FIGN: variants seen among roughly 807,000 people sequenced by gnomAD.
FIGN encodes fidgetin.
FIGN carries 11 observed loss-of-function variants against 51.3 expected under a neutral mutation model. The ratio of observed to expected loss-of-function variants is 0.21; its 90% CI spans 0.13 to 0.35. The LOEUF (loss-of-function observed/expected upper bound fraction) is 0.35. Ranked by LOEUF, FIGN falls within the 10% of genes least tolerant of loss-of-function variation. The pLI is 1.00. For synonymous variants in FIGN, 407 were observed against 363.2 expected (o/e 1.12, Z -1.37); for missense variants, 857 against 943.6 (o/e 0.91, Z 1.20).
chr2:163,717,657 G>A (rs1684690594), intron 2 of FIGN, among the ~76,000 whole-genome samples: 1 of 152,128 alleles, frequency 6.6e-6, no homozygotes, highest in African/African-American at 2.4e-5. Context: ...AGTGTTGCAA[G>A]TACAGGCATC....
Position 163,610,152 on chromosome 2 carries a change from T to G in FIGN, c.1680A>C (p.Leu560Phe). The change falls in exon 3 of 3, where the codon TTA becomes TTC. Residue 560 changes from leucine to phenylalanine, a missense_variant. Physicochemically the swap from Leu to Phe is conservative, Grantham distance 22. Coordinates refer to ENST00000333129, the MANE Select transcript of FIGN (RefSeq NM_018086.4). ...IAGSGLVAKWLGEAEKIIHAS... is the reference protein window; with the variant it reads ...IAGSGLVAKWFGEAEKIIHAS... ...CATGGATAATTTTCTCTGCTTCTCC[T>G]AACCACTTGGCGACTAGTCCAGAAC... 2 of 1,614,160 alleles carry G rather than the reference T, an allele frequency of 1.2e-6. No homozygotes were observed. Among genetic ancestry groups the G allele is most frequent in the Non-Finnish European group, 1.7e-6 (2 of 1,180,018 alleles).
intron 2 of FIGN, among the ~76,000 whole-genome samples, chr2:163,644,749 G>T (rs2105318399): frequency 6.6e-6 from 1 of 152,230 alleles, no homozygotes; most frequent in East Asian, 1.9e-4. Context: ...CTTTAAAAAG[G>T]AATGAAGTAC....
At chr2:163,637,464 A>G (rs1683243807) in intron 2 of FIGN, among the ~76,000 whole-genome samples, 1 of 152,218 alleles carries the variant, frequency 6.6e-6, no homozygotes, top group African/African-American at 2.4e-5. Flanking sequence ...GACTTCTGGC[A>G]TCTAAGATTT....
At position 163,653,833 on chromosome 2, in the gene FIGN, T is replaced by C. The variant is rs558147813; in HGVS notation, c.26-42027A>G. 3.9e-5 allele frequency among the ~76,000 whole-genome samples: 6 copies of C among 152,270 alleles called. No individual in the cohort carries two copies. The South Asian group carries it at 1.2e-3, about 32-fold the overall frequency. ...TTACAGGACTTTTTTTAAAAAACTT[T>C]TAATTTTAGGTACAGTTTTAGAGAC... On this transcript the variant is annotated intron_variant, in intron 2 of 2. Coordinates refer to ENST00000333129, the MANE Select transcript of FIGN (RefSeq NM_018086.4).
chr2:163,668,014 A>G (rs1412479198), intron 2 of FIGN, among the ~76,000 whole-genome samples: 1 of 106,874 alleles, frequency 9.4e-6, no homozygotes, highest in African/African-American at 4.1e-5. Context: ...CCTACCTCCA[A>G]CCCCCCCCCC....
intron 2 of FIGN, among the ~76,000 whole-genome samples, chr2:163,687,821 T>A (rs888316516): frequency 3.9e-5 from 6 of 152,158 alleles, no homozygotes; most frequent in Admixed American, 6.6e-5. Context: ...AACAGTAACA[T>A]GCAAAGTTAA....
At chr2:163,689,646 T>C (rs1427123413) in intron 2 of FIGN, among the ~76,000 whole-genome samples, 6 of 152,194 alleles carry the variant, frequency 3.9e-5, no homozygotes, top group African/African-American at 1.4e-4. Flanking sequence ...GACCAATATT[T>C]ATTGCTACAT....
Position 163,722,648 on chromosome 2 carries a change from T to A in FIGN, c.25+12255A>T, listed in dbSNP as rs73974385. 3.4e-3 allele frequency among the ~76,000 whole-genome samples: 521 copies of A among 152,280 alleles called. 3 individuals carry two copies. Among genetic ancestry groups the A allele is most frequent in the African/African-American group, 0.012 (503 of 41,570 alleles). Reference sequence around the variant, plus strand: ...TTATAAGATTTTAAAGATAGCATAATGTTTTTTATAAAAGAGTTTAAAGGC... The same window carrying A: ...TTATAAGATTTTAAAGATAGCATAAAGTTTTTTATAAAAGAGTTTAAAGGC... On this transcript the variant is annotated intron_variant, in intron 2 of 2. Coordinates refer to ENST00000333129, the MANE Select transcript of FIGN (RefSeq NM_018086.4).
At chr2:163,667,329 C>T (rs1683795226) in intron 2 of FIGN, among the ~76,000 whole-genome samples, 2 of 134,426 alleles carry the variant, frequency 1.5e-5, no homozygotes. Flanking sequence ...CTTTTCCATA[C>T]TATCCCCACA....
chr2:163,718,691 C>T (rs1684707697), intron 2 of FIGN, among the ~76,000 whole-genome samples: 1 of 152,168 alleles, frequency 6.6e-6, no homozygotes, highest in Admixed American at 6.6e-5. Context: ...ACTCAATATA[C>T]TGCCCATTTT....
At chr2:163,644,696 G>A (rs893180691) in intron 2 of FIGN, among the ~76,000 whole-genome samples, 1 of 151,998 alleles carries the variant, frequency 6.6e-6, no homozygotes, top group African/African-American at 2.4e-5. Context: ...CATCAACCTA[G>A]GAATGGATTA....
intron 2 of FIGN, among the ~76,000 whole-genome samples, chr2:163,660,371 A>G (rs535761617): frequency 5.3e-5 from 8 of 152,198 alleles, no homozygotes; most frequent in Admixed American, 3.9e-4. Flanking sequence ...ATCTGATCTA[A>G]TAGGTGGAGA....
intron 2 of FIGN, among the ~76,000 whole-genome samples, chr2:163,703,148 G>C (rs898256427): frequency 6.6e-6 from 1 of 151,522 alleles, no homozygotes; most frequent in African/African-American, 2.4e-5. Context: ...AAAGAAAAAA[G>C]AGTTTTCTAA....
chr2:163,715,474 G>T (rs1411766398), intron 2 of FIGN, among the ~76,000 whole-genome samples: 1 of 152,166 alleles, frequency 6.6e-6, no homozygotes, highest in Non-Finnish European at 1.5e-5. Flanking sequence ...CAATGGACAT[G>T]CTGCTGACTC....
At chr2:163,675,790 G>A (rs958791600) in intron 2 of FIGN, among the ~76,000 whole-genome samples, 1 of 142,256 alleles carries the variant, frequency 7.0e-6, no homozygotes, top group Non-Finnish European at 1.5e-5. Flanking sequence ...TTATGTGGGA[G>A]GACAGAAGAT....
In FIGN at chr2:163,611,875, CA is replaced by C. The variant is rs999184510; in HGVS notation, c.26-70del. 18 of 1,373,406 alleles carry C rather than the reference CA, an allele frequency of 1.3e-5. No homozygotes were observed. In the African/African-American group the frequency reaches 2.6e-4, roughly 20 times the overall value. 85.1% of individuals were successfully genotyped at this position (1,373,406 alleles called of 1,614,324 possible). A position where few individuals can be genotyped will look rare whatever the true frequency, so the allele number is the denominator to read the frequency against. On this transcript the variant is annotated intron_variant, in intron 2 of 2. Transcript: ENST00000333129. ...ATCAGAACTCTTAAAGCTTTTCCCCCAATTTCTTTTGTTACCTATTATTTTC... is the reference window on the plus strand; with the variant it reads ...ATCAGAACTCTTAAAGCTTTTCCCCCATTTCTTTTGTTACCTATTATTTTC...
intron 2 of FIGN, among the ~76,000 whole-genome samples, chr2:163,650,328 T>C (rs1683451406): frequency 6.6e-6 from 1 of 151,420 alleles, no homozygotes; most frequent in South Asian, 2.1e-4. Flanking sequence ...ATATAATATT[T>C]AACACATAAT....
chr2:163,701,784 C>T (rs572116370), intron 2 of FIGN, among the ~76,000 whole-genome samples: 8 of 152,258 alleles, frequency 5.3e-5, no homozygotes, highest in South Asian at 4.1e-4. Flanking sequence ...TCTTACCAGT[C>T]GAGTCAGCTC....
At chr2:163,649,272 T>C (rs746077591) in intron 2 of FIGN, among the ~76,000 whole-genome samples, 1 of 152,146 alleles carries the variant, frequency 6.6e-6, no homozygotes, top group Non-Finnish European at 1.5e-5. Context: ...TCCTCAGATA[T>C]TTTTTAGTCC....
Sources: gnomAD v4.1 joint callset for allele counts (sites outside exome capture counted in the v4.1 genomes callset) on GRCh38, gnomAD v4.1.1 for gene constraint, MANE v1.5 for transcripts, NCBI Gene and HGNC (gene_info 2026-07-23, HGNC 2026-07-21) for gene names.